SLC9A1: variants seen among roughly 807,000 people sequenced by gnomAD.
SLC9A1 encodes solute carrier family 9 member A1.
Under a neutral mutation model 67.9 loss-of-function variants are expected in SLC9A1, and 22 were observed. The ratio of observed to expected loss-of-function variants is 0.32; its 90% CI spans 0.23 to 0.46. The LOEUF is 0.46. Among genes scored for constraint, SLC9A1 ranks in the 20% least tolerant of loss-of-function variants. The pLI, the probability that SLC9A1 is intolerant of heterozygous loss-of-function variation, is 1.00. For missense variants in SLC9A1, 686 were observed against 1,094.8 expected (o/e 0.63, Z 5.27); for synonymous variants, 421 against 471.8 (o/e 0.89, Z 1.40).
chr1:27,100,455 T>C lies in SLC9A1; in HGVS notation c.2300A>G (p.Lys767Arg), dbSNP rs761637345. 5.6e-6 allele frequency: 9 copies of C among 1,613,992 alleles called. No individual in the cohort carries two copies. The highest frequency in any genetic ancestry group is 7.6e-6 in the Non-Finnish European group (9 of 1,179,892). The change falls in exon 12 of 12, where the codon AAG (lysine) becomes AGG (arginine). Residue 767 changes from lysine (K) to arginine (R), a missense_variant. Physicochemically the swap from Lys to Arg is conservative, Grantham distance 26. Transcript: ENST00000263980. This position sits in a 1 kb window ranked among gnomAD's most constrained non-coding sequence, Gnocchi z 5.6. Reference sequence around the variant, plus strand: ...GTCGGTTCCTGGGGACGAAGTCTCCTTGCTCCGCATCATGATGCCCCCATC... The same window carrying C: ...GTCGGTTCCTGGGGACGAAGTCTCCCTGCTCCGCATCATGATGCCCCCATC... ...DDDGGIMMRSKETSSPGTDDV... is the reference protein window; with the variant it reads ...DDDGGIMMRSRETSSPGTDDV...
chr1:27,137,766 G>A lies in SLC9A1; in HGVS notation c.352+16217C>T, dbSNP rs2083428599. Among the ~76,000 whole-genome samples the A allele has an allele frequency of 6.6e-6, 1 of 152,224 alleles. No individual in the cohort carries two copies. Among genetic ancestry groups the A allele is most frequent in the African/African-American group, 2.4e-5 (1 of 41,460 alleles). ...CAGGTCTGGTGACTGTTTGCCTGCA[G>A]GCGCTGAGGCTCAGCAAGGGAGGGG... On this transcript the variant is annotated intron_variant, in intron 1 of 11. Coordinates refer to ENST00000263980, the MANE Select transcript of SLC9A1 (RefSeq NM_003047.5). This position sits in a 1 kb window ranked among gnomAD's most constrained non-coding sequence, Gnocchi z 4.6.
chr1:27,104,476 C>G lies in SLC9A1; in HGVS notation c.1486-1164G>C, dbSNP rs542375213. 2.0e-5 allele frequency among the ~76,000 whole-genome samples: 3 copies of G among 152,316 alleles called. No individual in the cohort carries two copies. The East Asian group carries it at 5.8e-4, about 29-fold the overall frequency. On this transcript the variant is annotated intron_variant, in intron 5 of 11. Coordinates refer to ENST00000263980, the MANE Select transcript of SLC9A1 (RefSeq NM_003047.5). ...AATCACAGCTCACAGCTGCCTCAAT[C>G]TCCTGGGCTCAAGCTATCCTCCCAC... is the stretch of plus-strand genomic sequence containing the variant.
At chr1:27,134,728 A>C (rs2083407452) in intron 1 of SLC9A1, among the ~76,000 whole-genome samples, 1 of 152,222 alleles carries the variant, frequency 6.6e-6, no homozygotes, top group African/African-American at 2.4e-5. Context: ...GCTGCAAAAG[A>C]GTACAGACAG....
At chr1:27,143,940 G>C (rs1466555353) in intron 1 of SLC9A1, among the ~76,000 whole-genome samples, 1 of 152,210 alleles carries the variant, frequency 6.6e-6, no homozygotes, top group Non-Finnish European at 1.5e-5. Flanking sequence ...TATGACAGTG[G>C]GGGTGGTCAG....
intron 3 of SLC9A1, among the ~76,000 whole-genome samples, chr1:27,108,354 C>CACG: frequency 1.6e-5 from 2 of 128,968 alleles, no homozygotes; most frequent in Admixed American, 1.5e-4. Context: ...GCGACGAGCG[C>CACG]ATGCCCGGCC....
rs1426761926 is a variant in SLC9A1 at position 27,104,459 on chromosome 1, C to T, written c.1486-1147G>A. On this transcript the variant is annotated intron_variant, in intron 5 of 11. Coordinates refer to ENST00000263980, the MANE Select transcript of SLC9A1 (RefSeq NM_003047.5). ...AGGAGTCACACAGGCTCAATCACAGCTCACAGCTGCCTCAATCTCCTGGGC... is the reference window on the plus strand; with the variant it reads ...AGGAGTCACACAGGCTCAATCACAGTTCACAGCTGCCTCAATCTCCTGGGC... 1.4e-4 allele frequency among the ~76,000 whole-genome samples: 21 copies of T among 152,162 alleles called. 1 individual carries two copies. The highest frequency in any genetic ancestry group is 2.4e-5 in the African/African-American group (1 of 41,438).
At chr1:27,152,159 CG>C (rs1246558396) in intron 1 of SLC9A1, among the ~76,000 whole-genome samples, 1 of 152,184 alleles carries the variant, frequency 6.6e-6, no homozygotes, top group Non-Finnish European at 1.5e-5. Context: ...CCCAGGGTCC[CG>C]GGCACAGCAC....
rs191898529 is a variant in SLC9A1 at position 27,100,118 on chromosome 1, G to C, written c.*189C>G. ...AATGGATTGGGGAGGCAGCTCTGGTGGGGAGGATGCTTCCCGGGAGGCGGC... is the reference window on the plus strand; with the variant it reads ...AATGGATTGGGGAGGCAGCTCTGGTCGGGAGGATGCTTCCCGGGAGGCGGC... On this transcript the variant is annotated 3_prime_UTR_variant, in exon 12 of 12. Coordinates refer to ENST00000263980, the MANE Select transcript of SLC9A1 (RefSeq NM_003047.5). This position sits in a 1 kb window ranked among gnomAD's most constrained non-coding sequence, Gnocchi z 5.6. 2.9e-5 allele frequency: 14 copies of C among 485,776 alleles called. No homozygotes were observed. Among genetic ancestry groups the C allele is most frequent in the Non-Finnish European group, 5.0e-5 (14 of 278,044 alleles). The allele number at this position is 485,776 out of a possible 1,614,324, so 30.1% of individuals were successfully genotyped here.
chr1:27,111,954 G>A (rs1423716747), intron 2 of SLC9A1, among the ~76,000 whole-genome samples: 1 of 152,222 alleles, frequency 6.6e-6, no homozygotes, highest in Non-Finnish European at 1.5e-5. Flanking sequence ...CCTGCTTGAT[G>A]CAACCATGCC....
In SLC9A1 at chr1:27,109,581, T is replaced by C; in HGVS notation, c.1010A>G (p.Tyr337Cys). Reference sequence around the variant, plus strand: ...GGCTGACAAGTAGGCCATGTAGCTGTAGAGGAAGACGAAGAGCGGCTCGAT... The same window carrying C: ...GGCTGACAAGTAGGCCATGTAGCTGCAGAGGAAGACGAAGAGCGGCTCGAT... ...RVIEPLFVFL[Y>C]SYMAYLSAEL... Residue 337 changes from tyrosine (Y) to cysteine (C), a missense_variant, in exon 3 of 12, where the codon TAC becomes TGC. By Grantham distance (194) the Tyr-to-Cys change is radical. This residue lies in a region of SLC9A1 where 168 missense variants were observed against 375.4 expected (regional missense o/e 0.45). Transcript: ENST00000263980. This position sits in a 1 kb window ranked among gnomAD's most constrained non-coding sequence, Gnocchi z 5.5. 6.2e-7 allele frequency: 1 copy of C among 1,613,344 alleles called. No individual in the cohort carries two copies. The highest frequency in any genetic ancestry group is 8.5e-7 in the Non-Finnish European group (1 of 1,179,852).
chr1:27,102,304 GC>G (rs2083152279), intron 8 of SLC9A1, 80 bp downstream of exon 8: 6 of 1,476,558 alleles, frequency 4.1e-6, no homozygotes, highest in Admixed American at 2.0e-5. Flanking sequence ...AGAAGACCCC[GC>G]CCCCCAGGTG....
At chr1:27,117,035 G>A (rs2083276717) in intron 1 of SLC9A1, among the ~76,000 whole-genome samples, 1 of 151,918 alleles carries the variant, frequency 6.6e-6, no homozygotes, top group Non-Finnish European at 1.5e-5. Flanking sequence ...GAATCTTCTG[G>A]TGCTTCCCTC....
At chr1:27,119,042 A>AACACACACACACACACACAC (rs35231148) in intron 1 of SLC9A1, among the ~76,000 whole-genome samples, 1 of 139,358 alleles carries the variant, frequency 7.2e-6, no homozygotes, top group East Asian at 2.2e-4. Context: ...AGCTGGAACG[A>AACACACACACACACACACAC]ACACACACAC....
At chr1:27,152,295 C>G (rs2083534794) in intron 1 of SLC9A1, among the ~76,000 whole-genome samples, 1 of 152,216 alleles carries the variant, frequency 6.6e-6, no homozygotes, top group Non-Finnish European at 1.5e-5. Context: ...ATCCCACCAG[C>G]AGCCACTGAC....
At position 27,101,959 on chromosome 1, in the gene SLC9A1, G is replaced by T; in HGVS notation, c.1935+57C>A. 6.8e-7 allele frequency: 1 copy of T among 1,476,928 alleles called. No individual in the cohort carries two copies. The highest frequency in any genetic ancestry group is 9.5e-7 in the Non-Finnish European group (1 of 1,058,048). The allele number at this position is 1,476,928 out of a possible 1,614,324, so 91.5% of individuals were successfully genotyped here. A position where few individuals can be genotyped will look rare whatever the true frequency, so the allele number is the denominator to read the frequency against. On this transcript the variant is annotated intron_variant, in intron 9 of 11. Coordinates refer to ENST00000263980, the MANE Select transcript of SLC9A1 (RefSeq NM_003047.5). The surrounding 1 kb of genome is among the most constrained non-coding windows in gnomAD (Gnocchi z 4.9). ...GCACGGGCAGGGCAGGGCTGCCGTA[G>T]AGAGGGGCTGAAGGGCTCCTGTACC...
intron 1 of SLC9A1, among the ~76,000 whole-genome samples, chr1:27,123,411 G>A (rs1286581264): frequency 6.6e-6 from 1 of 152,124 alleles, no homozygotes; most frequent in Non-Finnish European, 1.5e-5. Context: ...GCTTCTATGG[G>A]GCAGAGACTG....
In SLC9A1 at chr1:27,101,002, C is replaced by T. The variant is rs1049013439; in HGVS notation, c.2110+201G>A. Among the ~76,000 whole-genome samples the T allele has an allele frequency of 1.3e-5, 2 of 152,230 alleles. No individual in the cohort carries two copies. The highest frequency in any genetic ancestry group is 1.3e-4 in the Admixed American group (2 of 15,284). ...AGGCACCGTGGCTCTCCCAGCTCCC[C>T]ACACAGTCCTCGCCCGGAACGTCTC... On this transcript the variant is annotated intron_variant, in intron 11 of 11. Transcript: ENST00000263980. The surrounding 1 kb of genome is among the most constrained non-coding windows in gnomAD (Gnocchi z 4.9).
At chr1:27,141,828 G>C (rs1436290329) in intron 1 of SLC9A1, among the ~76,000 whole-genome samples, 2 of 152,216 alleles carry the variant, frequency 1.3e-5, no homozygotes, top group Admixed American at 1.3e-4. Flanking sequence ...ACGCCTACCT[G>C]GTACAGCATC....
At position 27,115,280 on chromosome 1, in the gene SLC9A1, T is replaced by C. The variant is rs1323392742; in HGVS notation, c.353-994A>G. On this transcript the variant is annotated intron_variant, in intron 1 of 11. Coordinates refer to ENST00000263980, the MANE Select transcript of SLC9A1 (RefSeq NM_003047.5). ...CCTGGCCAGCAACAGGCCGCTCTGC[T>C]GTAGTCCACCTTAAGGCTTCAAACC... 6.6e-5 allele frequency among the ~76,000 whole-genome samples: 10 copies of C among 152,168 alleles called. No individual in the cohort carries two copies. In the East Asian group the frequency reaches 1.3e-3, roughly 21 times the overall value.
Sources: gnomAD v4.1 joint callset for allele counts (sites outside exome capture counted in the v4.1 genomes callset) on GRCh38, gnomAD v4.1.1 for gene constraint, gnomAD v4.1.1 regional missense constraint, Gnocchi (gnomAD v3.1) non-coding constraint, MANE v1.5 for transcripts, NCBI Gene and HGNC (gene_info 2026-07-23, HGNC 2026-07-21) for gene names.